The following KCNQ1 variants were observed in gnomAD, a reference collection of about 807,000 sequenced individuals.
KCNQ1 encodes potassium voltage-gated channel subfamily Q member 1, also known as potassium voltage-gated channel subfamily KQT member 1.
Under a neutral mutation model 72.4 loss-of-function variants are expected in KCNQ1, and 49 were observed. The ratio of observed to expected loss-of-function variants is 0.68; its 90% CI spans 0.54 to 0.86. The LOEUF (loss-of-function observed/expected upper bound fraction) is 0.86. Among genes scored for constraint, KCNQ1 ranks in the 40% least tolerant of loss-of-function variants. KCNQ1 has a pLI of 0.00. For synonymous variants in KCNQ1, 450 were observed against 412.6 expected (o/e 1.09, Z -1.10); for missense variants, 790 against 945.1 (o/e 0.84, Z 2.15).
At chr11:2,743,050 G>A (rs1268772606) in intron 11 of KCNQ1, among the ~76,000 whole-genome samples, 9 of 152,182 alleles carry the variant, frequency 5.9e-5, no homozygotes, top group Non-Finnish European at 1.0e-4. Flanking sequence ...TCATATTTTT[G>A]GAGAGCTCCT....
At chr11:2,846,147 A>C in intron 15 of KCNQ1, among the ~76,000 whole-genome samples, 1 of 152,066 alleles carries the variant, frequency 6.6e-6, no homozygotes, top group Non-Finnish European at 1.5e-5. Flanking sequence ...CGCATGAGGG[A>C]CCAGGCCCGC....
intron 10 of KCNQ1, chr11:2,649,485 C>T (rs1590004770): frequency 7.5e-6 from 3 of 398,528 alleles, no homozygotes; most frequent in Non-Finnish European, 1.3e-5. Flanking sequence ...TAATGAATTC[C>T]CTCAGTTTTT....
Position 2,765,275 on chromosome 11 carries a change from T to C in KCNQ1, c.1515-3569T>C, listed in dbSNP as rs534076155. ...TTTGACCCCTGGGTTATTTAGATTG[T>C]TTAATATCCAAAATACATGGAGATT... On this transcript the variant is annotated intron_variant, in intron 11 of 15. Transcript: ENST00000155840. Among the ~76,000 whole-genome samples the C allele has an allele frequency of 2.0e-5, 3 of 152,378 alleles. No individual in the cohort carries two copies. The South Asian group carries it at 6.2e-4, about 32-fold the overall frequency.
chr11:2,545,126 A>G (rs1379351160), intron 2 of KCNQ1, among the ~76,000 whole-genome samples: 1 of 152,244 alleles, frequency 6.6e-6, no homozygotes, highest in Non-Finnish European at 1.5e-5. Context: ...GTATTCCTGG[A>G]TAAACCACAC....
chr11:2,751,806 C>T (rs1833480652), intron 11 of KCNQ1, among the ~76,000 whole-genome samples: 1 of 152,282 alleles, frequency 6.6e-6, no homozygotes, highest in Non-Finnish European at 1.5e-5. Context: ...GTCCCCTACA[C>T]AGAGTGCCTC....
chr11:2,519,186 C>T (rs543071955), intron 1 of KCNQ1, among the ~76,000 whole-genome samples: 8 of 152,298 alleles, frequency 5.3e-5, no homozygotes, highest in Admixed American at 2.0e-4. Context: ...GACCTACTCC[C>T]GACGTGGCAG....
chr11:2,781,445 C>T lies in KCNQ1; in HGVS notation c.1794+3408C>T, dbSNP rs1470556880. On this transcript the variant is annotated intron_variant, in intron 15 of 15. Transcript: ENST00000155840. The surrounding 1 kb of genome is among the most constrained non-coding windows in gnomAD (Gnocchi z 6.6). ...AGGCTGGGGGCACCAGCAGCAGGGC[C>T]CAGGGCCTTCAGTGTGGGCCAGGGA... Among the ~76,000 whole-genome samples the T allele has an allele frequency of 6.6e-6, 1 of 152,156 alleles. No homozygotes were observed. The highest frequency in any genetic ancestry group is 1.5e-5 in the Non-Finnish European group (1 of 68,014).
Position 2,816,922 on chromosome 11 carries a change from C to G in KCNQ1, c.1795-30845C>G, listed in dbSNP as rs1847624932. Among the ~76,000 whole-genome samples the G allele has an allele frequency of 6.6e-6, 1 of 152,110 alleles. No individual in the cohort carries two copies. Among genetic ancestry groups the G allele is most frequent in the Non-Finnish European group, 1.5e-5 (1 of 67,996 alleles). ...CATGTCTGTGACCACAGCCCAACCC[C>G]TGGGCAGTGGCTGCCCCTCTGCCTC... On this transcript the variant is annotated intron_variant, in intron 15 of 15. Transcript: ENST00000155840. This position sits in a 1 kb window ranked among gnomAD's most constrained non-coding sequence, Gnocchi z 6.8.
chr11:2,563,103 GTGAT>G lies in KCNQ1; in HGVS notation c.478-7517_478-7514del. Among the ~76,000 whole-genome samples, 1 of 152,302 alleles carries G rather than the reference GTGAT, an allele frequency of 6.6e-6. No homozygotes were observed. Among genetic ancestry groups the G allele is most frequent in the South Asian group, 2.1e-4 (1 of 4,822 alleles). ...CAGGCTGCCCTGTGATCTTTCCCAC[GTGAT>G]TGATTGACACAGGGACCTTCTCTAG... On this transcript the variant is annotated intron_variant, in intron 2 of 15. Coordinates refer to ENST00000155840, the MANE Select transcript of KCNQ1 (RefSeq NM_000218.3). The surrounding 1 kb of genome is among the most constrained non-coding windows in gnomAD (Gnocchi z 7.4).
chr11:2,798,539 C>T (rs867502981), intron 15 of KCNQ1, among the ~76,000 whole-genome samples: 3 of 141,146 alleles, frequency 2.1e-5, no homozygotes, highest in African/African-American at 5.5e-5. Flanking sequence ...AAAATTATGC[C>T]GAGTTCCCTG....
chr11:2,616,689 A>T (rs79748283), intron 10 of KCNQ1: 6,641 of 398,084 alleles, frequency 0.017, 279 homozygotes, highest in East Asian at 0.11. Context: ...TGAATTTGTT[A>T]ATTTTTAGGT....
rs7943802 is a variant in KCNQ1, at chr11:2,612,842, C to T, written c.1393+23988C>T. ...TAAAAACTTACTTTAGATAATATAT[C>T]GTAGAAACTCTGGATTCTAGTTCTT... On this transcript the variant is annotated intron_variant, in intron 10 of 15. Coordinates refer to ENST00000155840, the MANE Select transcript of KCNQ1 (RefSeq NM_000218.3). The surrounding 1 kb of genome is among the most constrained non-coding windows in gnomAD (Gnocchi z 5.5). 8,554 of 398,332 alleles carry T rather than the reference C, an allele frequency of 0.021. 472 individuals carry two copies. Among genetic ancestry groups the T allele is most frequent in the African/African-American group, 0.14 (6,661 of 48,574 alleles). 24.7% of individuals were successfully genotyped at this position (398,332 alleles called of 1,614,324 possible). A position where few individuals can be genotyped will look rare whatever the true frequency, so the allele number is the denominator to read the frequency against.
Position 2,564,923 on chromosome 11 carries a change from C to CT in KCNQ1, c.478-5700dup, listed in dbSNP as rs961224327. On this transcript the variant is annotated intron_variant, in intron 2 of 15. Transcript: ENST00000155840. This position sits in a 1 kb window ranked among gnomAD's most constrained non-coding sequence, Gnocchi z 4.5. ...TGCAGCCTGTGTGAGAATCCCCTTC[C>CT]TTTTTAAGGCCAAATCCTATTCCGT... 6.6e-6 allele frequency among the ~76,000 whole-genome samples: 1 copy of CT among 152,182 alleles called. No individual in the cohort carries two copies. Among genetic ancestry groups the CT allele is most frequent in the Non-Finnish European group, 1.5e-5 (1 of 68,028 alleles).
At position 2,762,971 on chromosome 11, in the gene KCNQ1, C is replaced by T. The variant is rs972557000; in HGVS notation, c.1515-5873C>T. Among the ~76,000 whole-genome samples the T allele has an allele frequency of 2.0e-5, 3 of 152,202 alleles. No individual in the cohort carries two copies. Among genetic ancestry groups the T allele is most frequent in the Non-Finnish European group, 2.9e-5 (2 of 68,042 alleles). ...CTCATGAAACCCTAGGAGTGTCAGA[C>T]CTCTGACTTTGTTGTTCTTCAAGAT... On this transcript the variant is annotated intron_variant, in intron 11 of 15. Coordinates refer to ENST00000155840, the MANE Select transcript of KCNQ1 (RefSeq NM_000218.3). This position sits in a 1 kb window ranked among gnomAD's most constrained non-coding sequence, Gnocchi z 4.3.
intron 1 of KCNQ1, among the ~76,000 whole-genome samples, chr11:2,453,907 C>T (rs1263031850): frequency 2.0e-5 from 3 of 152,190 alleles, no homozygotes. Context: ...ATGCATAGAT[C>T]TCTCTTATTA....
intron 11 of KCNQ1, among the ~76,000 whole-genome samples, chr11:2,739,386 C>T (rs1846011536): frequency 6.6e-6 from 1 of 152,220 alleles, no homozygotes; most frequent in Non-Finnish European, 1.5e-5. Context: ...TGTTTCTGCC[C>T]TATCTGTGGT....
chr11:2,521,677 A>G, intron 1 of KCNQ1: 3 of 379,894 alleles, frequency 7.9e-6, no homozygotes, highest in Non-Finnish European at 1.7e-5. Context: ...AGGTTCCTCA[A>G]CTTTATTGGG....
rs891626901 is a variant in KCNQ1, at chr11:2,598,622, C to G, written c.1393+9768C>G. 2.7e-3 allele frequency among the ~76,000 whole-genome samples: 346 copies of G among 128,852 alleles called. 2 individuals are homozygous for G. Among genetic ancestry groups the G allele is most frequent in the African/African-American group, 0.012 (336 of 28,856 alleles). 84.5% of individuals were successfully genotyped at this position (128,852 alleles called of 152,430 possible). ...TCTGCCCTTAGTTAAAAAAAAAAAA[C>G]CCTAATACATCTGCCAAATTCTGAG... On this transcript the variant is annotated intron_variant, in intron 10 of 15. Coordinates refer to ENST00000155840, the MANE Select transcript of KCNQ1 (RefSeq NM_000218.3). This position sits in a 1 kb window ranked among gnomAD's most constrained non-coding sequence, Gnocchi z 6.2.
At chr11:2,833,488 C>T (rs1234363956) in intron 15 of KCNQ1, among the ~76,000 whole-genome samples, 1 of 152,236 alleles carries the variant, frequency 6.6e-6, no homozygotes, top group Non-Finnish European at 1.5e-5. Flanking sequence ...GGCCCCAAGT[C>T]AGCCCCAGGC....
Sources: allele counts gnomAD v4.1 joint callset (sites outside exome capture counted in the v4.1 genomes callset), GRCh38; gene constraint gnomAD v4.1.1; non-coding constraint Gnocchi (gnomAD v3.1); transcripts MANE v1.5; gene names NCBI Gene and HGNC (gene_info 2026-07-23, HGNC 2026-07-21).